The following KCTD21 variants were observed in gnomAD, a reference collection of about 807,000 sequenced individuals.
KCTD21 encodes BTB/POZ domain-containing protein KCTD21.
A neutral mutation model predicts 13.2 loss-of-function variants in KCTD21; 9 were observed. That is an observed-to-expected ratio of 0.68 (90% CI 0.41 to 1.19). The LOEUF (loss-of-function observed/expected upper bound fraction) is 1.19. KCTD21 is among the 50% of genes most tolerant of loss of function. KCTD21 has a pLI of 0.01. For missense variants in KCTD21, 303 were observed against 336.5 expected, an observed-to-expected ratio of 0.90 and a Z score of 0.78; for synonymous variants, 142 against 137.4, an observed-to-expected ratio of 1.03 and a Z score of -0.23.
At position 78,173,482 on chromosome 11, in the gene KCTD21, C is replaced by A. The variant is rs184416123; in HGVS notation, c.*290G>T. The stretch of plus-strand genomic sequence containing the variant: ...CAGGAGAAAACTGCTGCTCTTTTGT[C>A]CTGGCTGGAAAATCCTCCTATGGCC... On this transcript the variant is annotated 3_prime_UTR_variant, in exon 2 of 2. Transcript: ENST00000340067. 6.3e-5 allele frequency: 20 copies of A among 317,188 alleles called. No individual in the cohort carries two copies. In the Admixed American group the frequency reaches 9.2e-4, roughly 15 times the overall value. The allele number at this position is 317,188 out of a possible 1,614,324, so 19.6% of individuals were successfully genotyped here. A position where few individuals can be genotyped will look rare whatever the true frequency, so the allele number is the denominator to read the frequency against.
intron 1 of KCTD21, among the ~76,000 whole-genome samples, chr11:78,186,402 A>G (rs12799317): frequency 1.5e-5 from 2 of 132,086 alleles, no homozygotes; most frequent in South Asian, 2.4e-4. Context: ...AAAAAAAAAA[A>G]AAAAAGAAAA....
intron 1 of KCTD21, among the ~76,000 whole-genome samples, chr11:78,182,307 C>CCG (rs1491474809): frequency 2.1e-5 from 2 of 94,794 alleles, no homozygotes; most frequent in African/African-American, 8.1e-5. Context: ...ACCCCCCCCC[C>CCG]CTCAAAATTA....
intron 1 of KCTD21, among the ~76,000 whole-genome samples, chr11:78,177,363 A>G (rs905951379): frequency 4.6e-5 from 7 of 152,258 alleles, no homozygotes; most frequent in Admixed American, 4.6e-4. Context: ...AATCGTCAGT[A>G]GAAGCCTGGA....
In KCTD21 at chr11:78,173,968, G is replaced by C. The variant is rs1257486075; in HGVS notation, c.587C>G (p.Pro196Arg). ...GTTCTGCTTGGTGTACTCCTCCTCT[G>C]GCAGGCCCTCCACATTGGCCACCCA... is the stretch of plus-strand genomic sequence containing the variant. ...LDWVANVEGL[P>R]EEEYTKQNLK... The change falls in exon 2 of 2, where the codon CCA (proline) becomes CGA (arginine). Residue 196 changes from proline (P) to arginine (R), a missense_variant. Transcript: ENST00000340067. 3.1e-6 allele frequency: 5 copies of C among 1,613,832 alleles called. No homozygotes were observed. The South Asian group carries it at 5.5e-5, about 18-fold the overall frequency.
chr11:78,179,787 T>C (rs1862561032), intron 1 of KCTD21, among the ~76,000 whole-genome samples: 1 of 152,086 alleles, frequency 6.6e-6, no homozygotes, highest in South Asian at 2.1e-4. Context: ...CTGTCTACCT[T>C]CTCTACCCTC....
intron 1 of KCTD21, among the ~76,000 whole-genome samples, chr11:78,176,667 G>C (rs1333762897): frequency 6.6e-6 from 1 of 152,174 alleles, no homozygotes; most frequent in Non-Finnish European, 1.5e-5. Flanking sequence ...AGAAGATGTG[G>C]GAGATGGTCT....
chr11:78,188,216 C>A, intron 1 of KCTD21: 1 of 984,826 alleles, frequency 1.0e-6, no homozygotes, highest in Non-Finnish European at 1.2e-6. Context: ...AGCCCTACAG[C>A]CCCCACTCCG....
chr11:78,184,799 G>A (rs777919638), intron 1 of KCTD21, among the ~76,000 whole-genome samples: 3 of 152,064 alleles, frequency 2.0e-5, no homozygotes, highest in Non-Finnish European at 2.9e-5. Flanking sequence ...GCCCAGGCTG[G>A]AGTGCAGTGG....
intron 1 of KCTD21, among the ~76,000 whole-genome samples, chr11:78,179,972 C>T (rs942355839): frequency 1.3e-5 from 2 of 152,156 alleles, no homozygotes; most frequent in Non-Finnish European, 2.9e-5. Context: ...GGCCCTCTTC[C>T]CTGGCTATCT....
intron 1 of KCTD21, 139 bp from the exon 2 acceptor site, chr11:78,174,722 TA>T: frequency 1.6e-6 from 1 of 627,894 alleles, no homozygotes; most frequent in Non-Finnish European, 2.8e-6. Flanking sequence ...TGATAATTGC[TA>T]ACACTGTGCA....
chr11:78,174,492 C>CA lies in KCTD21; in HGVS notation c.62dup (p.Thr22AspfsTer5). On this transcript the variant is annotated frameshift_variant, in exon 2 of 2. Transcript: ENST00000340067. LOFTEE classifies it high-confidence loss of function. ...CTAGCATGGAGTCAGGGAAGCTGGTCAGGGTCGCCAGTGAGGTTGTATAGA... is the reference window on the plus strand; with the variant it reads ...CTAGCATGGAGTCAGGGAAGCTGGTCAAGGGTCGCCAGTGAGGTTGTATAGA... The CA allele has an allele frequency of 6.2e-7, 1 of 1,614,084 alleles. No homozygotes were observed. Among genetic ancestry groups the CA allele is most frequent in the Non-Finnish European group, 8.5e-7 (1 of 1,180,006 alleles).
intron 1 of KCTD21, among the ~76,000 whole-genome samples, chr11:78,180,303 T>C (rs1565385129): frequency 6.6e-6 from 1 of 152,202 alleles, no homozygotes; most frequent in Non-Finnish European, 1.5e-5. Flanking sequence ...ACCTATCTGA[T>C]AAAGGATTGT....
At chr11:78,187,915 T>G (rs1862841613) in intron 1 of KCTD21, 3 of 985,278 alleles carry the variant, frequency 3.0e-6, no homozygotes, top group Non-Finnish European at 3.6e-6. Context: ...TTCGCTTTTC[T>G]GAGCCTCACA....
intron 1 of KCTD21, among the ~76,000 whole-genome samples, chr11:78,176,517 C>T (rs992741823): frequency 6.6e-6 from 1 of 152,188 alleles, no homozygotes; most frequent in Non-Finnish European, 1.5e-5. Flanking sequence ...TCCCCAGAGC[C>T]AACCTGTGGA....
intron 1 of KCTD21, chr11:78,186,539 A>G (rs1286814604): frequency 2.2e-5 from 6 of 278,646 alleles, no homozygotes; most frequent in Non-Finnish European, 3.3e-5. Context: ...TGGGCAGATG[A>G]TGATGATCAT....
chr11:78,186,894 G>T lies in KCTD21; in HGVS notation c.-30+1679C>A, dbSNP rs547409995. The T allele has an allele frequency of 1.4e-5, 14 of 985,466 alleles. No individual in the cohort carries two copies. In the South Asian group the frequency reaches 4.7e-4, roughly 33 times the overall value. 61.0% of individuals were successfully genotyped at this position (985,466 alleles called of 1,614,324 possible). On this transcript the variant is annotated intron_variant, in intron 1 of 1. Transcript: ENST00000340067. ...ATGGATGCCTGGCTCCCTTGCTGGG[G>T]CTGGGGGTGCCCCTTTCTATATCCA...
Position 78,174,435 on chromosome 11 carries a change from C to G in KCTD21, c.120G>C (p.Lys40Asn). 1 of 1,614,128 alleles carries G rather than the reference C, an allele frequency of 6.2e-7. No homozygotes were observed. Among genetic ancestry groups the G allele is most frequent in the Non-Finnish European group, 8.5e-7 (1 of 1,180,036 alleles). The change falls in exon 2 of 2, where the codon AAG becomes AAC. Residue 40 changes from lysine to asparagine, a missense_variant. Lys to Asn is a moderately conservative substitution (Grantham distance 94, BLOSUM62 0). Coordinates refer to ENST00000340067, the MANE Select transcript of KCTD21 (RefSeq NM_001029859.3). The stretch of plus-strand genomic sequence containing the variant: ...TGAAGCAGTTGCCCTGGCTGTCCCT[C>G]TTGGTGGGCATCTTCCCGCTGAACA... ...GAMFSGKMPT[K>N]RDSQGNCFID...
At chr11:78,176,302 A>G (rs528079504) in intron 1 of KCTD21, 3 of 152,350 alleles carry the variant, frequency 2.0e-5, no homozygotes, top group Admixed American at 6.5e-5. Context: ...CTTTGCTGTC[A>G]TAACACCCCA....
intron 1 of KCTD21, chr11:78,187,542 CCTT>C: frequency 1.0e-6 from 1 of 985,398 alleles, no homozygotes. Flanking sequence ...TCCCCCAGCC[CCTT>C]CCAGAACTTT....
Sources: gnomAD v4.1 joint callset for allele counts (sites outside exome capture counted in the v4.1 genomes callset) on GRCh38, gnomAD v4.1.1 for gene constraint, MANE v1.5 for transcripts, NCBI Gene and HGNC (gene_info 2026-07-23, HGNC 2026-07-21) for gene names.